Variants in LYPLA1 observed in about 807,000 individuals in gnomAD.
The protein encoded by LYPLA1 is lysophospholipase 1.
LYPLA1 carries 17 observed loss-of-function variants against 34.0 expected under a neutral mutation model. The observed-to-expected ratio is 0.50, with a 90% confidence interval of 0.34 to 0.75. The LOEUF (loss-of-function observed/expected upper bound fraction) is 0.75. Ranked by LOEUF, LYPLA1 falls within the 30% of genes least tolerant of loss-of-function variation. The pLI is 0.01. For synonymous variants in LYPLA1, 98 were observed against 100.8 expected, an observed-to-expected ratio of 0.97 and a Z score of 0.17; for missense variants, 203 against 288.8, an observed-to-expected ratio of 0.70 and a Z score of 2.15.
intron 2 of LYPLA1, among the ~76,000 whole-genome samples, chr8:54,077,128 G>A (rs185357650): frequency 4.6e-5 from 7 of 151,718 alleles, no homozygotes; most frequent in East Asian, 3.9e-4. Flanking sequence ...AGAAAATATC[G>A]TACATATACA....
intron 2 of LYPLA1, among the ~76,000 whole-genome samples, chr8:54,096,890 T>A (rs1809728213): frequency 6.6e-6 from 1 of 151,970 alleles, no homozygotes; most frequent in African/African-American, 2.4e-5. Context: ...CCTGGCTGGG[T>A]GACAGAGCGA....
intron 2 of LYPLA1, among the ~76,000 whole-genome samples, chr8:54,084,971 TCCCTCTCCCTCTCCCTCCTCTCCC>T (rs1268591872): frequency 6.7e-6 from 1 of 149,074 alleles, no homozygotes; most frequent in Non-Finnish European, 1.5e-5. Context: ...AATCCTCCTC[TCCCTCTCCCTCTCCCTCCTCTCCC>T]TCCTCTTCCT....
intron 5 of LYPLA1, among the ~76,000 whole-genome samples, chr8:54,055,870 T>C (rs1356443266): frequency 6.6e-6 from 1 of 152,050 alleles, no homozygotes; most frequent in Non-Finnish European, 1.5e-5. Flanking sequence ...GTCGATCTCC[T>C]GAACTCGAGA....
intron 1 of LYPLA1, among the ~76,000 whole-genome samples, chr8:54,101,149 G>A (rs568562214): frequency 2.6e-5 from 4 of 151,262 alleles, no homozygotes; most frequent in Non-Finnish European, 5.9e-5. Context: ...AATGAATGGG[G>A]GGGGGGTAGC....
At chr8:54,065,835 A>G (rs1807023472) in intron 2 of LYPLA1, 22 bp from the exon 3 acceptor site, 1 of 1,565,454 alleles carries the variant, frequency 6.4e-7, no homozygotes, top group Non-Finnish European at 8.8e-7. Context: ...ATCATTGAAT[A>G]ATGCTATTAG....
intron 2 of LYPLA1, among the ~76,000 whole-genome samples, chr8:54,085,891 G>A (rs1335687765): frequency 2.6e-5 from 4 of 151,958 alleles, no homozygotes; most frequent in African/African-American, 9.7e-5. Context: ...CGTCTGGGAA[G>A]TGAGGAGCCC....
At chr8:54,092,452 G>A (rs1385962087) in intron 2 of LYPLA1, among the ~76,000 whole-genome samples, 1 of 152,160 alleles carries the variant, frequency 6.6e-6, no homozygotes, top group African/African-American at 2.4e-5. Flanking sequence ...ATCAGAAACT[G>A]GCAGTGGGGC....
chr8:54,054,125 G>A (rs980091466), intron 6 of LYPLA1, among the ~76,000 whole-genome samples: 1 of 152,044 alleles, frequency 6.6e-6, no homozygotes, highest in Non-Finnish European at 1.5e-5. Context: ...GAGTTACAGA[G>A]GCGTGCACCA....
chr8:54,043,172 A>C (rs948021715), downstream of LYPLA1: 1 of 151,730 alleles, frequency 6.6e-6, no homozygotes, highest in African/African-American at 2.4e-5. Context: ...GGATCCTTCC[A>C]GCTCGACCTC....
intron 2 of LYPLA1, among the ~76,000 whole-genome samples, chr8:54,081,565 A>G (rs1159204462): frequency 2.0e-5 from 3 of 151,842 alleles, no homozygotes; most frequent in African/African-American, 7.3e-5. Flanking sequence ...CTCCTACCTC[A>G]GCCTCCCGAG....
chr8:54,087,171 G>A (rs1808858434), intron 2 of LYPLA1, among the ~76,000 whole-genome samples: 1 of 152,058 alleles, frequency 6.6e-6, no homozygotes, highest in Non-Finnish European at 1.5e-5. Flanking sequence ...CATCCTAAGA[G>A]CTATTGAGGT....
chr8:54,063,512 T>C lies in LYPLA1; in HGVS notation c.168-137A>G, dbSNP rs1806815330. On this transcript the variant is annotated intron_variant, in intron 3 of 8. Transcript: ENST00000316963. ...CAGTTTTAACATATGAACTGTTTTA[T>C]TTCATCCACACCTGTACAACTCTGC... 9.0e-6 allele frequency: 6 copies of C among 663,004 alleles called. No individual in the cohort carries two copies. The South Asian group carries it at 1.1e-4, about 12-fold the overall frequency. 41.1% of individuals were successfully genotyped at this position (663,004 alleles called of 1,614,324 possible).
chr8:54,097,116 T>C (rs773063365), intron 2 of LYPLA1, among the ~76,000 whole-genome samples: 3 of 152,164 alleles, frequency 2.0e-5, no homozygotes, highest in Admixed American at 6.5e-5. Flanking sequence ...ACAACTTGCA[T>C]AGTCACAAAG....
intron 2 of LYPLA1, among the ~76,000 whole-genome samples, chr8:54,079,602 A>C (rs1808161958): frequency 6.6e-6 from 1 of 152,112 alleles, no homozygotes; most frequent in South Asian, 2.1e-4. Flanking sequence ...CAGGAGATTG[A>C]GACCAGCCTG....
intron 6 of LYPLA1, chr8:54,053,729 T>C (rs1322882941): frequency 4.4e-6 from 2 of 456,080 alleles, no homozygotes; most frequent in South Asian, 1.5e-5. Flanking sequence ...AGATGGCCAA[T>C]TGTTTATGGA....
chr8:54,082,884 G>A (rs564271592), intron 2 of LYPLA1, among the ~76,000 whole-genome samples: 12 of 152,000 alleles, frequency 7.9e-5, no homozygotes, highest in Admixed American at 2.6e-4. Context: ...CCGCCACTAC[G>A]CCTGGCTAAT....
At chr8:54,054,443 G>GACATCTCCCTAATTAAGGTAATCCAA (rs1249036805) in intron 6 of LYPLA1, 3 of 152,154 alleles carry the variant, frequency 2.0e-5, no homozygotes, top group African/African-American at 7.2e-5. Flanking sequence ...TCAGAATTCT[G>GACATCTCCCTAATTAAGGTAATCCAA]ACATCTCCCT....
At chr8:54,058,418 C>T (rs1243796055) in intron 5 of LYPLA1, among the ~76,000 whole-genome samples, 1 of 152,064 alleles carries the variant, frequency 6.6e-6, no homozygotes, top group Non-Finnish European at 1.5e-5. Flanking sequence ...GTGGCACAGG[C>T]CTGTAGTCCT....
chr8:54,100,647 T>C (rs187022885), intron 2 of LYPLA1: 24 of 445,714 alleles, frequency 5.4e-5, no homozygotes, highest in Admixed American at 8.3e-5. Flanking sequence ...ATCTCTGGTA[T>C]CCAATACCCA....
Sources: allele counts gnomAD v4.1 joint callset (sites outside exome capture counted in the v4.1 genomes callset), GRCh38; gene constraint gnomAD v4.1.1; transcripts MANE v1.5; gene names NCBI Gene and HGNC (gene_info 2026-07-23, HGNC 2026-07-21).